SMAP1: variants seen among roughly 807,000 people sequenced by gnomAD.
The protein encoded by SMAP1 is small ArfGAP 1.
A neutral mutation model predicts 58.5 loss-of-function variants in SMAP1; 24 were observed. The observed-to-expected ratio is 0.41, with a 90% CI of 0.30 to 0.58. The LOEUF is 0.58. Among genes scored for constraint, SMAP1 ranks in the 20% least tolerant of loss-of-function variants. The probability of loss-of-function intolerance (pLI) is 0.29; values close to 1 mark genes in which losing one functional copy is unlikely to be tolerated. For synonymous variants in SMAP1, 216 were observed against 196.6 expected (o/e 1.10, Z -0.82); for missense variants, 563 against 566.3 (o/e 0.99, Z 0.06).
At chr6:70,778,715 A>G (rs7754141) in intron 4 of SMAP1, among the ~76,000 whole-genome samples, 1 of 152,202 alleles carries the variant, frequency 6.6e-6, no homozygotes, top group Non-Finnish European at 1.5e-5. Flanking sequence ...CAACAGTGTC[A>G]GTCTGAGTAC....
intron 1 of SMAP1, among the ~76,000 whole-genome samples, chr6:70,712,505 A>C (rs1768094703): frequency 6.6e-6 from 1 of 152,228 alleles, no homozygotes; most frequent in African/African-American, 2.4e-5. Context: ...AACTTCAAGA[A>C]GGATTGGTGT....
chr6:70,789,484 A>T (rs1309682277), intron 4 of SMAP1, among the ~76,000 whole-genome samples: 1 of 151,440 alleles, frequency 6.6e-6, no homozygotes, highest in Non-Finnish European at 1.5e-5. Context: ...CTGATTTGTT[A>T]TGAATTCACC....
intron 1 of SMAP1, among the ~76,000 whole-genome samples, chr6:70,690,788 T>G (rs947851006): frequency 1.3e-4 from 20 of 151,840 alleles, no homozygotes; most frequent in African/African-American, 4.6e-4. Context: ...TGTGATATCT[T>G]TGTCTGGTTT....
chr6:70,840,219 G>T (rs565121838), intron 7 of SMAP1, among the ~76,000 whole-genome samples: 1 of 152,148 alleles, frequency 6.6e-6, no homozygotes, highest in Non-Finnish European at 1.5e-5. Context: ...TGGGACTCAC[G>T]GCCTTCTTTA....
intron 6 of SMAP1, among the ~76,000 whole-genome samples, chr6:70,815,289 G>A (rs538939945): frequency 1.1e-4 from 17 of 152,246 alleles, no homozygotes; most frequent in African/African-American, 3.8e-4. Context: ...TTATTTGAAT[G>A]TAGTTGTATA....
In SMAP1 at chr6:70,755,075, A is replaced by G; in HGVS notation, c.338+10A>G. ...GACCACAGACAGATCAGTATCCTTT[A>G]AAACTTATTTGTTTTGAGTTTAAAA... On this transcript the variant is annotated intron_variant, in intron 3 of 10. Coordinates refer to ENST00000370455, the MANE Select transcript of SMAP1 (RefSeq NM_001044305.3). 2 of 1,590,646 alleles carry G rather than the reference A, an allele frequency of 1.3e-6. No individual in the cohort carries two copies.
At chr6:70,780,688 C>A (rs1582170460) in intron 4 of SMAP1, among the ~76,000 whole-genome samples, 1 of 152,228 alleles carries the variant, frequency 6.6e-6, no homozygotes, top group African/African-American at 2.4e-5. Flanking sequence ...TTAAGAGATA[C>A]AAGAGGACTT....
intron 3 of SMAP1, among the ~76,000 whole-genome samples, chr6:70,759,002 G>GAGCA (rs1367329344): frequency 6.6e-6 from 1 of 152,084 alleles, no homozygotes; most frequent in African/African-American, 2.4e-5. Context: ...CCCTAGAAGA[G>GAGCA]AGCAGTACAT....
At chr6:70,760,147 G>T (rs1450033102) in intron 3 of SMAP1, among the ~76,000 whole-genome samples, 2 of 151,934 alleles carry the variant, frequency 1.3e-5, no homozygotes, top group Non-Finnish European at 2.9e-5. Context: ...TGAAAATAGG[G>T]TTATTATAAT....
intron 2 of SMAP1, among the ~76,000 whole-genome samples, chr6:70,750,616 A>G (rs1388433921): frequency 6.6e-6 from 1 of 152,218 alleles, no homozygotes; most frequent in African/African-American, 2.4e-5. Context: ...AATTTCAGCA[A>G]TTCAAAAAGT....
intron 7 of SMAP1, among the ~76,000 whole-genome samples, chr6:70,847,975 C>T (rs1562200958): frequency 6.6e-6 from 1 of 152,146 alleles, no homozygotes; most frequent in East Asian, 1.9e-4. Flanking sequence ...ATGTTTTTCT[C>T]ACATTATGGT....
Position 70,841,749 on chromosome 6 carries a change from G to A in SMAP1, c.664+4721G>A, listed in dbSNP as rs80125259. On this transcript the variant is annotated intron_variant, in intron 7 of 10. Transcript: ENST00000370455. ...TTTTAGTTCCCCCATTCATGTTTGT[G>A]TTCAGGAAATAAAGGCTTTAACATA... 3.7e-3 allele frequency among the ~76,000 whole-genome samples: 565 copies of A among 152,260 alleles called. 6 individuals are homozygous for A. Among genetic ancestry groups the A allele is most frequent in the African/African-American group, 0.013 (531 of 41,546 alleles).
At chr6:70,771,718 C>T (rs1767324378) in intron 3 of SMAP1, among the ~76,000 whole-genome samples, 1 of 152,140 alleles carries the variant, frequency 6.6e-6, no homozygotes, top group Admixed American at 6.5e-5. Context: ...TGAGGCAATG[C>T]CTCTCCCTGC....
intron 1 of SMAP1, among the ~76,000 whole-genome samples, chr6:70,725,595 G>C (rs577930507): frequency 6.6e-6 from 1 of 152,264 alleles, no homozygotes; most frequent in East Asian, 1.9e-4. Context: ...TTTGACATAT[G>C]TAGTTTCTCT....
chr6:70,741,892 G>T (rs1309373810), intron 2 of SMAP1, among the ~76,000 whole-genome samples: 1 of 152,212 alleles, frequency 6.6e-6, no homozygotes, highest in African/African-American at 2.4e-5. Context: ...CAGGGAAGCT[G>T]CCAACCCTTG....
intron 2 of SMAP1, among the ~76,000 whole-genome samples, chr6:70,745,087 G>A (rs575790115): frequency 6.6e-6 from 1 of 152,118 alleles, no homozygotes; most frequent in Non-Finnish European, 1.5e-5. Context: ...TTTGTCAGAT[G>A]GGTAGATTGC....
intron 1 of SMAP1, 88 bp from the exon 2 acceptor site, chr6:70,732,290 A>C (rs147769508): frequency 1.4e-6 from 2 of 1,384,800 alleles, no homozygotes; most frequent in Non-Finnish European, 1.9e-6. Flanking sequence ...TTATAATTAT[A>C]TAAAACCGAG....
chr6:70,767,793 T>A (rs1452917974), intron 3 of SMAP1, among the ~76,000 whole-genome samples: 8 of 138,344 alleles, frequency 5.8e-5, no homozygotes, highest in Non-Finnish European at 1.2e-4. Context: ...CTATGTTGAA[T>A]AGGAGTGGTG....
chr6:70,708,545 C>T (rs1767930688), intron 1 of SMAP1, among the ~76,000 whole-genome samples: 3 of 152,134 alleles, frequency 2.0e-5, no homozygotes, highest in Admixed American at 6.5e-5. Flanking sequence ...CTGCATACTC[C>T]TTTCCATAAT....
Sources: allele counts gnomAD v4.1 joint callset (sites outside exome capture counted in the v4.1 genomes callset), GRCh38; gene constraint gnomAD v4.1.1; transcripts MANE v1.5; gene names NCBI Gene and HGNC (gene_info 2026-07-23, HGNC 2026-07-21).